TENM2: variants seen among roughly 807,000 people sequenced by gnomAD.
TENM2 encodes the protein teneurin transmembrane protein 2, also known as teneurin-2.
TENM2 carries 52 observed loss-of-function variants against 245.2 expected under a neutral mutation model. The ratio of observed to expected loss-of-function variants is 0.21; its 90% CI spans 0.17 to 0.27. The LOEUF is 0.27. Ranked by LOEUF, TENM2 falls within the 10% of genes least tolerant of loss-of-function variation. TENM2 has a pLI of 1.00. For missense variants in TENM2, 3,046 were observed against 3,666.8 expected, an observed-to-expected ratio of 0.83 and a Z score of 4.37; for synonymous variants, 1,363 against 1,438.9, an observed-to-expected ratio of 0.95 and a Z score of 1.19.
intron 2 of TENM2, among the ~76,000 whole-genome samples, chr5:167,858,562 G>A (rs1395767711): frequency 6.6e-6 from 1 of 152,050 alleles, no homozygotes; most frequent in Non-Finnish European, 1.5e-5. Context: ...AAGGCGCCGC[G>A]GGCTGGGGTC....
In TENM2 at chr5:167,431,914, GAT is replaced by G. The variant is rs140335875; in HGVS notation, c.502+56453_502+56454del. ...CATTTAGCTCATGATTCCAAGGTGT[GAT>G]ATATATATATACATATATATATACA... On this transcript the variant is annotated intron_variant, in intron 2 of 28. Coordinates refer to ENST00000518659, the Ensembl canonical transcript of TENM2. 8.4e-4 allele frequency among the ~76,000 whole-genome samples: 84 copies of G among 100,108 alleles called. 1 individual carries two copies. Among genetic ancestry groups the G allele is most frequent in the African/African-American group, 3.7e-3 (74 of 20,040 alleles). 65.7% of individuals were successfully genotyped at this position (100,108 alleles called of 152,430 possible). A position where few individuals can be genotyped will look rare whatever the true frequency, so the allele number is the denominator to read the frequency against.
intron 2 of TENM2, among the ~76,000 whole-genome samples, chr5:167,769,625 G>A (rs755852383): frequency 2.0e-5 from 3 of 152,080 alleles, no homozygotes; most frequent in African/African-American, 4.8e-5. Flanking sequence ...TGTAAGTATC[G>A]TATTCCATTC....
intron 9 of TENM2, among the ~76,000 whole-genome samples, chr5:168,102,448 C>T (rs1388267557): frequency 6.6e-6 from 1 of 152,158 alleles, no homozygotes; most frequent in African/African-American, 2.4e-5. Context: ...TGTTAGCGCC[C>T]CCATTAACCC....
At chr5:167,897,369 C>A (rs1011602160) in intron 3 of TENM2, among the ~76,000 whole-genome samples, 2 of 151,978 alleles carry the variant, frequency 1.3e-5, no homozygotes, top group African/African-American at 4.8e-5. Flanking sequence ...ATCAAGACAG[C>A]CCTGGTAAAC....
chr5:167,993,915 CA>C (rs1313200554), intron 5 of TENM2, among the ~76,000 whole-genome samples: 1 of 152,246 alleles, frequency 6.6e-6, no homozygotes, highest in Non-Finnish European at 1.5e-5. Context: ...TGTTGGTTTA[CA>C]GCCATAGGGT....
intron 2 of TENM2, among the ~76,000 whole-genome samples, chr5:167,547,462 A>G (rs1213655704): frequency 3.3e-5 from 5 of 152,226 alleles, no homozygotes; most frequent in African/African-American, 4.8e-5. Flanking sequence ...TGGCATTACA[A>G]ATGCTTCTCA....
At chr5:167,444,398 AATTCAGAC>A (rs1405616265) in intron 2 of TENM2, among the ~76,000 whole-genome samples, 2 of 152,132 alleles carry the variant, frequency 1.3e-5, no homozygotes, top group Non-Finnish European at 2.9e-5. Flanking sequence ...TAACTAAGAA[AATTCAGAC>A]ATTTGGGGAC....
At chr5:167,848,020 C>T (rs1770208973) in intron 2 of TENM2, among the ~76,000 whole-genome samples, 1 of 152,138 alleles carries the variant, frequency 6.6e-6, no homozygotes, top group South Asian at 2.1e-4. Flanking sequence ...GTTCATTCTT[C>T]TAGCTTTATG....
chr5:167,810,106 A>G (rs1267302769), intron 2 of TENM2, among the ~76,000 whole-genome samples: 1 of 152,136 alleles, frequency 6.6e-6, no homozygotes, highest in Non-Finnish European at 1.5e-5. Context: ...CTGCCTGATA[A>G]AAAGTAGGTC....
At chr5:167,162,171 C>CAA in the TENM2 span, among the ~76,000 whole-genome samples, 5 of 99,126 alleles carry the variant, frequency 5.0e-5, no homozygotes, top group Admixed American at 1.1e-4. Flanking sequence ...GACTCCGTCT[C>CAA]AAAAAAAAAA....
At chr5:167,871,311 T>G (rs1237247282) in intron 2 of TENM2, among the ~76,000 whole-genome samples, 1 of 152,168 alleles carries the variant, frequency 6.6e-6, no homozygotes, top group East Asian at 1.9e-4. Flanking sequence ...CACTGTTTCC[T>G]GCCAAATCCA....
chr5:167,863,998 T>C (rs184271487), intron 2 of TENM2, among the ~76,000 whole-genome samples: 2 of 152,324 alleles, frequency 1.3e-5, no homozygotes, highest in Admixed American at 6.5e-5. Flanking sequence ...TTTATAGGTC[T>C]TTGAGGGGGA....
intron 2 of TENM2, among the ~76,000 whole-genome samples, chr5:167,865,945 C>T (rs1460981402): frequency 1.3e-5 from 2 of 152,190 alleles, no homozygotes; most frequent in Non-Finnish European, 2.9e-5. Context: ...TATAATCAAC[C>T]AATCATGGTG....
intron 2 of TENM2, among the ~76,000 whole-genome samples, chr5:167,769,257 G>A (rs1763243396): frequency 6.6e-6 from 1 of 152,096 alleles, no homozygotes; most frequent in Admixed American, 6.5e-5. Flanking sequence ...TTAGAAATGT[G>A]GTTCATGCAT....
chr5:167,416,950 G>C (rs1002163684), intron 2 of TENM2, among the ~76,000 whole-genome samples: 4 of 152,028 alleles, frequency 2.6e-5, no homozygotes, highest in Admixed American at 2.0e-4. Context: ...TACATAGATT[G>C]TTTCGTTTTT....
intron 1 of TENM2, among the ~76,000 whole-genome samples, chr5:167,337,461 A>T (rs1195061314): frequency 6.6e-6 from 1 of 152,228 alleles, no homozygotes; most frequent in Non-Finnish European, 1.5e-5. Context: ...ATTCAAATAC[A>T]AGGAAGAGAC....
At chr5:167,460,824 A>G (rs1049560208) in intron 2 of TENM2, among the ~76,000 whole-genome samples, 4 of 151,778 alleles carry the variant, frequency 2.6e-5, no homozygotes, top group Non-Finnish European at 5.9e-5. Context: ...CTTTTAAGGG[A>G]CTCCTTTTAT....
At chr5:168,058,674 A>G (rs1034809647) in intron 6 of TENM2, among the ~76,000 whole-genome samples, 1 of 152,172 alleles carries the variant, frequency 6.6e-6, no homozygotes, top group Admixed American at 6.5e-5. Context: ...ATATATACAA[A>G]TAGACATTTA....
chr5:168,238,317 T>C (rs1476027876), intron 25 of TENM2, among the ~76,000 whole-genome samples: 5 of 128,108 alleles, frequency 3.9e-5, no homozygotes, highest in Non-Finnish European at 8.3e-5. Flanking sequence ...CCCAGAAGAC[T>C]GACCCGGAAA....
Sources: allele counts gnomAD v4.1 joint callset (sites outside exome capture counted in the v4.1 genomes callset), GRCh38; gene constraint gnomAD v4.1.1; transcripts MANE v1.5; gene names NCBI Gene and HGNC (gene_info 2026-07-23, HGNC 2026-07-21).